Variants in TNRC6B observed in about 807,000 individuals in gnomAD.
The protein encoded by TNRC6B is trinucleotide repeat containing adaptor 6B.
TNRC6B carries 52 observed loss-of-function variants against 203.6 expected under a neutral mutation model. That is an observed-to-expected ratio of 0.26 (90% CI 0.20 to 0.32). The LOEUF (loss-of-function observed/expected upper bound fraction) is 0.32. TNRC6B is among the 10% of genes least tolerant of loss of function. The pLI is 1.00. For synonymous variants in TNRC6B, 838 were observed against 845.7 expected (o/e 0.99, Z 0.16); for missense variants, 1,923 against 2,286.2 (o/e 0.84, Z 3.24).
rs528084502 is a variant in TNRC6B at position 40,166,915 on chromosome 22, A to G, written c.113+10733A>G. On this transcript the variant is annotated intron_variant, in intron 4 of 23. Transcript: ENST00000301923. ...GTCTCAAAAAAAAAAAAAAGAAAAA[A>G]TTGTTAGCAATTTTGGGAAAACCTC... Among the ~76,000 whole-genome samples, 12 of 152,168 alleles carry G rather than the reference A, an allele frequency of 7.9e-5. No homozygotes were observed. The South Asian group carries it at 2.5e-3, about 32-fold the overall frequency.
intron 2 of TNRC6B, among the ~76,000 whole-genome samples, chr22:40,119,016 G>C (rs1230684636): frequency 6.6e-6 from 1 of 152,226 alleles, no homozygotes; most frequent in Admixed American, 6.5e-5. Context: ...ATTACGGCTG[G>C]AACAAATGGA....
chr22:40,078,088 TA>T (rs753513718), intron 1 of TNRC6B, among the ~76,000 whole-genome samples: 16 of 152,244 alleles, frequency 1.1e-4, no homozygotes, highest in Non-Finnish European at 1.6e-4. Flanking sequence ...AGTATGTGGA[TA>T]TTTTTTAAGG....
chr22:40,158,433 T>C (rs1416823264), intron 4 of TNRC6B, among the ~76,000 whole-genome samples: 19 of 152,262 alleles, frequency 1.2e-4, no homozygotes, highest in Admixed American at 2.6e-4. Context: ...AAGCCTATTT[T>C]TAAAAAAACA....
chr22:40,160,814 C>T (rs1366790095), intron 4 of TNRC6B, among the ~76,000 whole-genome samples: 1 of 152,118 alleles, frequency 6.6e-6, no homozygotes, highest in Non-Finnish European at 1.5e-5. Flanking sequence ...AAGCAATCCT[C>T]CCACCTCAGC....
chr22:40,284,914 C>T (rs138971443), intron 11 of TNRC6B, among the ~76,000 whole-genome samples: 198 of 152,298 alleles, frequency 1.3e-3, no homozygotes, highest in African/African-American at 4.6e-3. Context: ...CACCATATAA[C>T]CCAACTCTCT....
At chr22:40,049,699 G>A (rs1349427084) in intron 1 of TNRC6B, among the ~76,000 whole-genome samples, 1 of 152,154 alleles carries the variant, frequency 6.6e-6, no homozygotes, top group Non-Finnish European at 1.5e-5. Context: ...TGCCTTCCGG[G>A]TTTAAGTGAT....
chr22:40,264,637 G>A, intron 4 of TNRC6B, 51 bp from the exon 5 acceptor site: 3 of 1,522,366 alleles, frequency 2.0e-6, no homozygotes, highest in Non-Finnish European at 2.6e-6. Context: ...AGGGATTAAT[G>A]GGTAATGAAT....
intron 2 of TNRC6B, among the ~76,000 whole-genome samples, chr22:40,248,788 T>G (rs904159573): frequency 5.3e-5 from 8 of 152,188 alleles, no homozygotes; most frequent in East Asian, 1.9e-4. Context: ...AATTCTATCG[T>G]TTTTGCTCAA....
intron 15 of TNRC6B, among the ~76,000 whole-genome samples, chr22:40,303,684 G>A (rs935113073): frequency 2.6e-5 from 4 of 151,782 alleles, no homozygotes; most frequent in African/African-American, 9.7e-5. Flanking sequence ...GGCGGAGGAG[G>A]GCAGATCACT....
chr22:40,304,736 A>C (rs979890804), intron 15 of TNRC6B, among the ~76,000 whole-genome samples: 2 of 152,210 alleles, frequency 1.3e-5, no homozygotes, highest in Non-Finnish European at 2.9e-5. Flanking sequence ...TTTCTGATAA[A>C]ATTTCACTTT....
chr22:40,108,640 A>G (rs1260615732), intron 1 of TNRC6B, among the ~76,000 whole-genome samples: 3 of 152,218 alleles, frequency 2.0e-5, no homozygotes, highest in African/African-American at 4.8e-5. Flanking sequence ...AAAAGATTGA[A>G]TGCAAAAGTA....
chr22:40,325,242 T>C lies in TNRC6B; in HGVS notation c.*2001T>C, dbSNP rs1231827959. The C allele has an allele frequency of 6.5e-6, 1 of 152,692 alleles. No individual in the cohort carries two copies. Among genetic ancestry groups the C allele is most frequent in the Non-Finnish European group, 1.5e-5 (1 of 68,056 alleles). 9.5% of individuals were successfully genotyped at this position (152,692 alleles called of 1,614,324 possible). A position where few individuals can be genotyped will look rare whatever the true frequency, so the allele number is the denominator to read the frequency against. ...TTTCTTTAGCGTCTTCAGTGAAGGA[T>C]ACAATACAACAATGCCTAATGTATT... On this transcript the variant is annotated 3_prime_UTR_variant, in exon 23 of 23. Coordinates refer to ENST00000454349, the MANE Select transcript of TNRC6B (RefSeq NM_001162501.2).
At chr22:40,315,802 AAAG>A (rs1441596534) in intron 20 of TNRC6B, 137 bp from the exon 21 acceptor site, 2 of 717,136 alleles carry the variant, frequency 2.8e-6, no homozygotes, top group Non-Finnish European at 4.7e-6. Context: ...TAGAAGAGAA[AAAG>A]AAGGTCAGAG....
chr22:40,281,837 A>AG (rs1267430853), intron 11 of TNRC6B, among the ~76,000 whole-genome samples: 1 of 152,344 alleles, frequency 6.6e-6, no homozygotes, highest in East Asian at 1.9e-4. Flanking sequence ...GCTGAGACAC[A>AG]GCAGTGTTTC....
intron 1 of TNRC6B, chr22:40,107,164 T>C (rs1466646324): frequency 9.1e-6 from 5 of 547,050 alleles, no homozygotes; most frequent in Non-Finnish European, 1.3e-5. Context: ...TAGGTACTTT[T>C]TGTATCCTAT....
chr22:40,174,937 T>G (rs532266051), upstream of TNRC6B, among the ~76,000 whole-genome samples: 3 of 152,320 alleles, frequency 2.0e-5, no homozygotes, highest in African/African-American at 7.2e-5. Context: ...TCACAGAATC[T>G]ATTATGTCTG....
chr22:40,058,225 A>G (rs1309234748), intron 1 of TNRC6B, among the ~76,000 whole-genome samples: 2 of 152,220 alleles, frequency 1.3e-5, no homozygotes, highest in African/African-American at 2.4e-5. Context: ...CTACTTTTAC[A>G]ACACCAAAAA....
At position 40,333,532 on chromosome 22, in the gene TNRC6B, A is replaced by C. The variant is rs552369841; in HGVS notation, c.*10291A>C. 8.5e-5 allele frequency: 13 copies of C among 152,648 alleles called. No homozygotes were observed. Among genetic ancestry groups the C allele is most frequent in the African/African-American group, 2.9e-4 (12 of 41,438 alleles). 9.5% of individuals were successfully genotyped at this position (152,648 alleles called of 1,614,324 possible). On this transcript the variant is annotated 3_prime_UTR_variant, in exon 23 of 23. Transcript: ENST00000454349. ...TCTCAACCTTTCTTGGTTCAGACAC[A>C]CACATACACACCCCTTGAGTAACTC...
intron 3 of TNRC6B, among the ~76,000 whole-genome samples, chr22:40,138,773 C>G (rs576467178): frequency 5.3e-5 from 8 of 152,130 alleles, no homozygotes; most frequent in Non-Finnish European, 1.2e-4. Context: ...GTATTTCAGA[C>G]TGTGTCCAAC....
Sources: gnomAD v4.1 joint callset for allele counts (sites outside exome capture counted in the v4.1 genomes callset) on GRCh38, gnomAD v4.1.1 for gene constraint, MANE v1.5 for transcripts, NCBI Gene and HGNC (gene_info 2026-07-23, HGNC 2026-07-21) for gene names.